Variants in COL6A5 observed in about 807,000 individuals in gnomAD.
COL6A5 encodes collagen alpha-5(VI) chain.
In COL6A5, 48 loss-of-function variants were observed where a neutral mutation model predicts 65.6. That is an observed-to-expected ratio of 0.73 (90% CI 0.58 to 0.93). The LOEUF (loss-of-function observed/expected upper bound fraction) is 0.93. Ranked by LOEUF, COL6A5 falls within the 40% of genes least tolerant of loss-of-function variation. The pLI, the probability that COL6A5 is intolerant of heterozygous loss-of-function variation, is 0.00. For synonymous variants in COL6A5, 291 were observed against 322.8 expected, an observed-to-expected ratio of 0.90 and a Z score of 1.05; for missense variants, 914 against 928.3, an observed-to-expected ratio of 0.98 and a Z score of 0.20.
At chr3:130,430,101 G>A (rs1937739192), upstream of COL6A5, among the ~76,000 whole-genome samples, 1 of 152,170 alleles carries the variant, frequency 6.6e-6, no homozygotes, top group South Asian at 2.1e-4. Flanking sequence ...GGCCATTGGA[G>A]CCAGTGGCTA....
At chr3:130,476,807 T>C (rs780119028) in intron 7 of COL6A5, 158 of 609,030 alleles carry the variant, frequency 2.6e-4, no homozygotes, top group Non-Finnish European at 4.0e-5. Flanking sequence ...TCTCCAAAAG[T>C]TTTCTGCATT....
At chr3:130,438,043 G>A (rs181211640) in intron 1 of COL6A5, among the ~76,000 whole-genome samples, 59 of 152,088 alleles carry the variant, frequency 3.9e-4, no homozygotes, top group Admixed American at 3.1e-3. Context: ...CTGTCACCCC[G>A]GTTGGAGTGC....
chr3:130,456,589 A>G (rs1398307031), intron 5 of COL6A5, among the ~76,000 whole-genome samples: 1 of 152,112 alleles, frequency 6.6e-6, no homozygotes, highest in Non-Finnish European at 1.5e-5. Flanking sequence ...CCCCATAAAT[A>G]TATACACCTA....
intron 5 of COL6A5, among the ~76,000 whole-genome samples, chr3:130,385,616 C>T (rs1181056657): frequency 6.6e-6 from 1 of 151,938 alleles, no homozygotes; most frequent in Non-Finnish European, 1.5e-5. Flanking sequence ...AATGTTGGGG[C>T]CTTGACAAAG....
chr3:130,466,084 A>G (rs1479560598), intron 5 of COL6A5, among the ~76,000 whole-genome samples: 2 of 152,104 alleles, frequency 1.3e-5, no homozygotes, highest in Non-Finnish European at 2.9e-5. Context: ...AAAAATCAGC[A>G]GGAATATAGT....
chr3:130,468,005 G>A (rs1409453445), intron 5 of COL6A5, among the ~76,000 whole-genome samples: 2 of 151,924 alleles, frequency 1.3e-5, no homozygotes, highest in African/African-American at 4.8e-5. Flanking sequence ...GATCCCTTAG[G>A]CTTAGAGCAG....
chr3:130,442,153 T>G (rs1317348710), intron 3 of COL6A5, among the ~76,000 whole-genome samples: 1 of 152,164 alleles, frequency 6.6e-6, no homozygotes, highest in Non-Finnish European at 1.5e-5. Context: ...AGGAAAAAAA[T>G]GTTTCCAATT....
intron 25 of COL6A5, among the ~76,000 whole-genome samples, chr3:130,419,692 T>C (rs964550975): frequency 6.6e-6 from 1 of 152,096 alleles, no homozygotes; most frequent in Non-Finnish European, 1.5e-5. Context: ...AAGATCTCAC[T>C]TATAGGTGAA....
At chr3:130,453,279 G>T (rs563667912) in intron 4 of COL6A5, among the ~76,000 whole-genome samples, 1 of 152,264 alleles carries the variant, frequency 6.6e-6, no homozygotes, top group East Asian at 1.9e-4. Context: ...GTAAAGACAG[G>T]CATAAGAAAT....
At chr3:130,432,014 A>T (rs1577503583) in intron 1 of COL6A5, 65 bp downstream of exon 33, 22 of 1,488,348 alleles carry the variant, frequency 1.5e-5, no homozygotes, top group Admixed American at 2.2e-5. Context: ...ATAGGGCAGG[A>T]TGGGAGTGGT....
At chr3:130,387,889 CTA>C (rs922694697) in intron 5 of COL6A5, among the ~76,000 whole-genome samples, 1 of 151,116 alleles carries the variant, frequency 6.6e-6, no homozygotes, top group Non-Finnish European at 1.5e-5. Context: ...GTACATATGT[CTA>C]TATTATACAT....
chr3:130,419,591 G>C (rs1250328129), intron 25 of COL6A5, among the ~76,000 whole-genome samples: 6 of 152,044 alleles, frequency 3.9e-5, no homozygotes, highest in Non-Finnish European at 8.8e-5. Context: ...CCTTTAAAAA[G>C]AAGAAAATCT....
Position 130,416,745 on chromosome 3 carries a change from T to G in COL6A5, c.4825-12T>G. 1 of 1,472,114 alleles carries G rather than the reference T, an allele frequency of 6.8e-7. No homozygotes were observed. Among genetic ancestry groups the G allele is most frequent in the Non-Finnish European group, 9.2e-7 (1 of 1,088,768 alleles). 91.2% of individuals were successfully genotyped at this position (1,472,114 alleles called of 1,614,324 possible). On this transcript the variant is annotated splice_polypyrimidine_tract_variant and intron_variant and NMD_transcript_variant, in intron 23 of 41. Coordinates refer to the COL6A5 transcript ENST00000312481. ...ACGGTGCCAACATTTTAGTCTCTAA[T>G]TTTTTTTTCAGGGTTCTCCTGGGCT... is the stretch of plus-strand genomic sequence containing the variant.
At chr3:130,385,494 C>A in intron 5 of COL6A5, 130 bp downstream of exon 5, 1 of 951,698 alleles carries the variant, frequency 1.1e-6, no homozygotes, top group South Asian at 1.8e-5. Context: ...CCTTTATTAC[C>A]ATGGAGGGAT....
chr3:130,365,256 T>A (rs1318322363), intron 1 of COL6A5, among the ~76,000 whole-genome samples: 2 of 151,240 alleles, frequency 1.3e-5, no homozygotes, highest in Non-Finnish European at 3.0e-5. Context: ...AATCAACAGA[T>A]GTCTCCTTTA....
chr3:130,421,060 A>T, intron 25 of COL6A5, 93 bp from the exon 26 acceptor site: 1 of 1,153,096 alleles, frequency 8.7e-7, no homozygotes, highest in Non-Finnish European at 1.2e-6. Context: ...GGAAGTCCCT[A>T]GTGCTTCTCT....
At chr3:130,441,560 T>C (rs1335245770) in intron 3 of COL6A5, among the ~76,000 whole-genome samples, 2 of 150,750 alleles carry the variant, frequency 1.3e-5, no homozygotes, top group African/African-American at 5.0e-5. Flanking sequence ...ACAGGATGTA[T>C]CAGTCTGCAA....
chr3:130,379,113 G>A (rs1206349272), intron 3 of COL6A5, among the ~76,000 whole-genome samples: 1 of 152,042 alleles, frequency 6.6e-6, no homozygotes, highest in East Asian at 1.9e-4. Flanking sequence ...CAGCAGTGGT[G>A]GTGGTGATCA....
chr3:130,417,587 C>T (rs1937380935), intron 24 of COL6A5, among the ~76,000 whole-genome samples: 1 of 152,108 alleles, frequency 6.6e-6, no homozygotes, highest in South Asian at 2.1e-4. Context: ...TGGGTGGCAT[C>T]AGAACTCAAA....
Sources: gnomAD v4.1 joint callset for allele counts (sites outside exome capture counted in the v4.1 genomes callset) on GRCh38, gnomAD v4.1.1 for gene constraint, MANE v1.5 for transcripts, NCBI Gene and HGNC (gene_info 2026-07-23, HGNC 2026-07-21) for gene names.